Variants in STXBP6 observed in about 807,000 individuals in gnomAD.
STXBP6 encodes syntaxin binding protein 6.
Under a neutral mutation model 26.9 loss-of-function variants are expected in STXBP6, and 21 were observed. That is an observed-to-expected ratio of 0.78 (90% CI 0.55 to 1.12). The LOEUF is 1.12. Ranked by LOEUF, STXBP6 falls within the 50% of genes most tolerant of loss-of-function variation. The pLI is 0.00. For missense variants in STXBP6, 232 were observed against 257.9 expected (o/e 0.90, Z 0.69); for synonymous variants, 97 against 92.6 (o/e 1.05, Z -0.27).
At chr14:25,045,595 T>C (rs1460728699) in intron 1 of STXBP6, among the ~76,000 whole-genome samples, 2 of 147,408 alleles carry the variant, frequency 1.4e-5, no homozygotes, top group Non-Finnish European at 3.0e-5. Flanking sequence ...TCATACTTTT[T>C]TTTTCTTTTC....
At chr14:25,034,873 G>A (rs539910250) in intron 1 of STXBP6, among the ~76,000 whole-genome samples, 5 of 152,232 alleles carry the variant, frequency 3.3e-5, no homozygotes, top group African/African-American at 1.2e-4. Context: ...CTTCTTGGCC[G>A]GGTGTGGTGG....
chr14:24,910,466 T>G (rs1309549311), intron 2 of STXBP6, among the ~76,000 whole-genome samples: 1 of 152,160 alleles, frequency 6.6e-6, no homozygotes, highest in Non-Finnish European at 1.5e-5. Context: ...AATAAATGGA[T>G]GAAAAATGGA....
At chr14:24,897,441 A>AC in intron 2 of STXBP6, among the ~76,000 whole-genome samples, 1 of 151,272 alleles carries the variant, frequency 6.6e-6, no homozygotes, top group African/African-American at 2.4e-5. Flanking sequence ...AAAAAAAAAA[A>AC]AGAAAAAGTT....
intron 1 of STXBP6, among the ~76,000 whole-genome samples, chr14:24,989,538 T>C (rs774499537): frequency 6.6e-6 from 1 of 152,202 alleles, no homozygotes; most frequent in Non-Finnish European, 1.5e-5. Flanking sequence ...TCTCCCAATA[T>C]GCCAGCTGCT....
At chr14:24,833,966 T>C (rs1176504110) in intron 4 of STXBP6, among the ~76,000 whole-genome samples, 1 of 152,186 alleles carries the variant, frequency 6.6e-6, no homozygotes, top group Non-Finnish European at 1.5e-5. Flanking sequence ...TCTGTTTAAA[T>C]ACCACTTTGA....
chr14:24,883,569 C>A (rs2070454068), intron 2 of STXBP6, among the ~76,000 whole-genome samples: 3 of 152,118 alleles, frequency 2.0e-5, no homozygotes, highest in African/African-American at 7.2e-5. Flanking sequence ...ATTAAATCTC[C>A]AACTATCTAG....
chr14:24,954,154 A>G (rs1222513001), intron 2 of STXBP6, among the ~76,000 whole-genome samples: 1 of 152,170 alleles, frequency 6.6e-6, no homozygotes, highest in Non-Finnish European at 1.5e-5. Context: ...GGGGAAACAA[A>G]GCTATTTCAC....
At chr14:24,985,913 T>A (rs2140260683) in intron 1 of STXBP6, among the ~76,000 whole-genome samples, 1 of 152,266 alleles carries the variant, frequency 6.6e-6, no homozygotes, top group South Asian at 2.1e-4. Context: ...GTCCAGAGGG[T>A]GATTCCAAAG....
Position 25,049,208 on chromosome 14 carries a change from T to C in STXBP6, c.-33+670A>G. 9 of 985,460 alleles carry C rather than the reference T, an allele frequency of 9.1e-6. No individual in the cohort carries two copies. Among genetic ancestry groups the C allele is most frequent in the Non-Finnish European group, 1.1e-5 (9 of 829,966 alleles). The allele number at this position is 985,460 out of a possible 1,614,324, so 61.0% of individuals were successfully genotyped here. A position where few individuals can be genotyped will look rare whatever the true frequency, so the allele number is the denominator to read the frequency against. On this transcript the variant is annotated intron_variant, in intron 1 of 5. Coordinates refer to ENST00000323944, the MANE Select transcript of STXBP6 (RefSeq NM_001394410.1). This position sits in a 1 kb window ranked among gnomAD's most constrained non-coding sequence, Gnocchi z 5.6. ...TGGAGGGAAAATCAAGCCACCCACC[T>C]ACTCCAGCCACGTTGCCCGGCGGTG...
At chr14:25,017,057 C>G (rs1431154990) in intron 1 of STXBP6, among the ~76,000 whole-genome samples, 2 of 152,178 alleles carry the variant, frequency 1.3e-5, no homozygotes, top group Non-Finnish European at 2.9e-5. Flanking sequence ...ACCTGGTCAA[C>G]TAGATGCCAG....
At chr14:24,964,490 G>T (rs1369977769) in intron 2 of STXBP6, among the ~76,000 whole-genome samples, 1 of 152,102 alleles carries the variant, frequency 6.6e-6, no homozygotes, top group African/African-American at 2.4e-5. Context: ...CTCCCTCCCT[G>T]TCTCTTCTTC....
At chr14:25,036,072 G>A (rs2075544752) in intron 1 of STXBP6, among the ~76,000 whole-genome samples, 1 of 151,974 alleles carries the variant, frequency 6.6e-6, no homozygotes, top group African/African-American at 2.4e-5. Flanking sequence ...ACAAAAAGTA[G>A]CCAGACATGG....
chr14:24,955,187 G>C (rs777821384), intron 2 of STXBP6, among the ~76,000 whole-genome samples: 5 of 152,166 alleles, frequency 3.3e-5, no homozygotes, highest in Non-Finnish European at 7.3e-5. Context: ...GGAGGAGAGA[G>C]TAACATCCTT....
At chr14:24,883,674 C>CA (rs11383745) in intron 2 of STXBP6, among the ~76,000 whole-genome samples, 79,885 of 151,606 alleles carry the variant, frequency 0.53, 22,098 homozygotes, top group African/African-American at 0.68. Context: ...CTATTTATTA[C>CA]AAAAAAAATG....
intron 1 of STXBP6, among the ~76,000 whole-genome samples, chr14:25,037,887 A>G (rs530926955): frequency 6.6e-6 from 1 of 152,322 alleles, no homozygotes; most frequent in East Asian, 1.9e-4. Flanking sequence ...GCTGGCTCCA[A>G]CTTTTCAGCA....
chr14:24,949,789 C>T (rs935028023), intron 2 of STXBP6, among the ~76,000 whole-genome samples: 2 of 152,146 alleles, frequency 1.3e-5, no homozygotes, highest in African/African-American at 2.4e-5. Context: ...CTGTAAATTA[C>T]TCCTGTAGTG....
At chr14:25,007,848 T>G (rs939090560) in intron 1 of STXBP6, among the ~76,000 whole-genome samples, 2 of 152,230 alleles carry the variant, frequency 1.3e-5, no homozygotes, top group Non-Finnish European at 2.9e-5. Context: ...CTTTTTGTAC[T>G]AAACACAAGG....
intron 2 of STXBP6, among the ~76,000 whole-genome samples, chr14:24,921,237 A>C (rs1170243928): frequency 1.7e-4 from 26 of 152,182 alleles, no homozygotes; most frequent in Admixed American, 1.7e-3. Flanking sequence ...TTTCAATGAA[A>C]GCTAATAATT....
intron 2 of STXBP6, among the ~76,000 whole-genome samples, chr14:24,945,893 A>G (rs1164935899): frequency 6.6e-6 from 1 of 152,192 alleles, no homozygotes; most frequent in Non-Finnish European, 1.5e-5. Context: ...CCAGGGAGAC[A>G]CGCTGGATTT....
Sources: allele counts gnomAD v4.1 joint callset (sites outside exome capture counted in the v4.1 genomes callset), GRCh38; gene constraint gnomAD v4.1.1; non-coding constraint Gnocchi (gnomAD v3.1); transcripts MANE v1.5; gene names NCBI Gene and HGNC (gene_info 2026-07-23, HGNC 2026-07-21).